Variants in BMPR1B observed in about 807,000 individuals in gnomAD.
BMPR1B encodes bone morphogenetic protein receptor type-1B.
BMPR1B carries 12 observed loss-of-function variants against 59.1 expected under a neutral mutation model. The observed-to-expected ratio is 0.20, with a 90% CI of 0.13 to 0.33. The LOEUF is 0.33. BMPR1B is among the 10% of genes least tolerant of loss of function. The probability of loss-of-function intolerance (pLI) is 1.00; values close to 1 mark genes in which losing one functional copy is unlikely to be tolerated. For missense variants in BMPR1B, 550 were observed against 610.9 expected, an observed-to-expected ratio of 0.90 and a Z score of 1.05; for synonymous variants, 237 against 207.3, an observed-to-expected ratio of 1.14 and a Z score of -1.23.
At chr4:95,118,318 T>C (rs1186173469) in intron 6 of BMPR1B, among the ~76,000 whole-genome samples, 1 of 145,498 alleles carries the variant, frequency 6.9e-6, no homozygotes, top group African/African-American at 2.5e-5. Flanking sequence ...GAGCTGCTGC[T>C]TTTTTTTTTT....
intron 3 of BMPR1B, among the ~76,000 whole-genome samples, chr4:95,092,454 T>C (rs1730062684): frequency 6.6e-6 from 1 of 152,142 alleles, no homozygotes; most frequent in Non-Finnish European, 1.5e-5. Flanking sequence ...TGCATTCTTA[T>C]TCATTTTATT....
intron 2 of BMPR1B, among the ~76,000 whole-genome samples, chr4:94,971,048 G>GTGCTACCTA (rs1730774108): frequency 6.6e-6 from 1 of 152,010 alleles, no homozygotes; most frequent in South Asian, 2.1e-4. Flanking sequence ...TTCCCTTTCA[G>GTGCTACCTA]TGCTACCTAA....
intron 1 of BMPR1B, among the ~76,000 whole-genome samples, chr4:94,866,429 T>G (rs1468691152): frequency 1.3e-5 from 2 of 152,160 alleles, no homozygotes; most frequent in Non-Finnish European, 2.9e-5. Context: ...TCTCTCTTTC[T>G]TCTCTTTTTC....
At chr4:94,787,026 G>A (rs1722788907) in intron 1 of BMPR1B, among the ~76,000 whole-genome samples, 1 of 151,976 alleles carries the variant, frequency 6.6e-6, no homozygotes, top group Non-Finnish European at 1.5e-5. Flanking sequence ...GACATTTTTT[G>A]TTTTACCAGG....
chr4:94,768,650 C>G (rs1722062758), intron 1 of BMPR1B, among the ~76,000 whole-genome samples: 1 of 152,032 alleles, frequency 6.6e-6, no homozygotes, highest in South Asian at 2.1e-4. Context: ...CCATCATTCT[C>G]TGATTGGAAG....
At chr4:94,938,061 T>C (rs1467794777) in intron 2 of BMPR1B, among the ~76,000 whole-genome samples, 1 of 152,194 alleles carries the variant, frequency 6.6e-6, no homozygotes, top group Admixed American at 6.5e-5. Context: ...AGTTGAGGTA[T>C]GCATTGTGCT....
At chr4:94,924,684 G>T (rs1553918826) in intron 2 of BMPR1B, among the ~76,000 whole-genome samples, 1 of 152,108 alleles carries the variant, frequency 6.6e-6, no homozygotes, top group Non-Finnish European at 1.5e-5. Flanking sequence ...CATCATGTGT[G>T]CAACTTAGAT....
chr4:94,845,527 A>G (rs1251656749), intron 1 of BMPR1B, among the ~76,000 whole-genome samples: 7 of 152,068 alleles, frequency 4.6e-5, no homozygotes. Context: ...TATTTTTAGT[A>G]GAGACGGGGT....
chr4:94,947,472 C>T (rs530534291), intron 2 of BMPR1B, among the ~76,000 whole-genome samples: 1 of 152,162 alleles, frequency 6.6e-6, no homozygotes, highest in African/African-American at 2.4e-5. Flanking sequence ...GATGCCCACG[C>T]CTTTGAGCTA....
chr4:95,085,516 A>G (rs1351162468), intron 3 of BMPR1B, among the ~76,000 whole-genome samples: 1 of 152,198 alleles, frequency 6.6e-6, no homozygotes, highest in African/African-American at 2.4e-5. Context: ...TCTCAGATCA[A>G]AAAGACATTC....
intron 1 of BMPR1B, among the ~76,000 whole-genome samples, chr4:94,806,653 A>G (rs148255561): frequency 2.0e-3 from 307 of 152,292 alleles, no homozygotes; most frequent in Non-Finnish European, 3.2e-3. Flanking sequence ...AACTGAGTCA[A>G]TTCTGCTCTC....
chr4:94,845,634 G>A lies in BMPR1B; in HGVS notation c.-182-30197G>A, dbSNP rs375260256. On this transcript the variant is annotated intron_variant, in intron 1 of 12. Transcript: ENST00000515059. ...TGGGATTACAGGCGTGAGCCATCGT[G>A]CCTGGCCAACCAAGGAAATTCTTAA... 5.4e-4 allele frequency among the ~76,000 whole-genome samples: 83 copies of A among 152,310 alleles called. 2 individuals carry two copies. The South Asian group carries it at 0.017, about 31-fold the overall frequency.
At chr4:95,092,120 A>C (rs1232398753) in intron 3 of BMPR1B, among the ~76,000 whole-genome samples, 2 of 152,140 alleles carry the variant, frequency 1.3e-5, no homozygotes, top group Non-Finnish European at 2.9e-5. Flanking sequence ...AGTTTTAAAA[A>C]ATGCAAAATG....
At chr4:95,044,757 C>A (rs938523964) in intron 3 of BMPR1B, among the ~76,000 whole-genome samples, 3 of 152,076 alleles carry the variant, frequency 2.0e-5, no homozygotes, top group Non-Finnish European at 4.4e-5. Flanking sequence ...ATGTGGAATG[C>A]TGCAAATTAG....
chr4:94,973,052 G>C (rs147325539), intron 2 of BMPR1B, among the ~76,000 whole-genome samples: 1 of 152,240 alleles, frequency 6.6e-6, no homozygotes, highest in Non-Finnish European at 1.5e-5. Flanking sequence ...AGCAAATATG[G>C]GATCCAGTCA....
At chr4:95,143,072 C>T (rs1177658974) in intron 10 of BMPR1B, among the ~76,000 whole-genome samples, 1 of 152,104 alleles carries the variant, frequency 6.6e-6, no homozygotes, top group Non-Finnish European at 1.5e-5. Context: ...ATTCTCCAAC[C>T]TGCTCAGGAT....
intron 12 of BMPR1B, 91 bp downstream of exon 12, chr4:95,152,864 C>A (rs1043222005): frequency 6.6e-7 from 1 of 1,509,364 alleles, no homozygotes; most frequent in Non-Finnish European, 9.0e-7. Context: ...TGTAGGAATT[C>A]TTCTTTTTTT....
chr4:94,842,094 G>T (rs1394527746), intron 1 of BMPR1B, among the ~76,000 whole-genome samples: 1 of 152,174 alleles, frequency 6.6e-6, no homozygotes, highest in Non-Finnish European at 1.5e-5. Flanking sequence ...ACCCCAGGGT[G>T]CTTGGACAAG....
chr4:95,072,793 G>A (rs1210777687), intron 3 of BMPR1B, among the ~76,000 whole-genome samples: 1 of 151,980 alleles, frequency 6.6e-6, no homozygotes, highest in Non-Finnish European at 1.5e-5. Context: ...ACACAGTGAA[G>A]AAGCAAAACA....
Sources: allele counts gnomAD v4.1 joint callset (sites outside exome capture counted in the v4.1 genomes callset), GRCh38; gene constraint gnomAD v4.1.1; transcripts MANE v1.5; gene names NCBI Gene and HGNC (gene_info 2026-07-23, HGNC 2026-07-21).